KIAA1328: variants seen among roughly 807,000 people sequenced by gnomAD.
KIAA1328 encodes KIAA1328, also known as protein hinderin.
In KIAA1328, 52 loss-of-function variants were observed where a neutral mutation model predicts 68.1. The observed-to-expected ratio is 0.76, with a 90% CI of 0.61 to 0.96. The LOEUF is 0.96. Ranked by LOEUF, KIAA1328 falls within the 40% of genes least tolerant of loss-of-function variation. The pLI is 0.00. For synonymous variants in KIAA1328, 232 were observed against 239.4 expected (o/e 0.97, Z 0.28); for missense variants, 641 against 677.6 (o/e 0.95, Z 0.60).
chr18:37,112,457 G>T (rs891614848), intron 7 of KIAA1328, among the ~76,000 whole-genome samples: 1 of 152,130 alleles, frequency 6.6e-6, no homozygotes, highest in Admixed American at 6.5e-5. Context: ...GTGGCTGAGG[G>T]TTCTGACTGT....
rs557793580 is a variant in KIAA1328 at position 37,188,881 on chromosome 18, A to T, written c.1523+15800A>T. On this transcript the variant is annotated intron_variant, in intron 9 of 9. Coordinates refer to ENST00000280020, the MANE Select transcript of KIAA1328 (RefSeq NM_020776.3). Reference sequence around the variant, plus strand: ...TCTTTTGTATCAATGTGAAAATTTTAATTTCACGCCTTGCAGACTTCACAT... The same window carrying T: ...TCTTTTGTATCAATGTGAAAATTTTTATTTCACGCCTTGCAGACTTCACAT... 2.6e-5 allele frequency among the ~76,000 whole-genome samples: 4 copies of T among 152,310 alleles called. No homozygotes were observed. In the South Asian group the frequency reaches 8.3e-4, roughly 32 times the overall value.
At chr18:37,228,819 C>CAGAAAAAAAAA (rs555782218), downstream of KIAA1328, among the ~76,000 whole-genome samples, 20 of 146,608 alleles carry the variant, frequency 1.4e-4, no homozygotes, top group African/African-American at 5.0e-4. Context: ...GATTCCATCT[C>CAGAAAAAAAAA]AGAAAAAAAA....
At chr18:37,020,951 G>T (rs322634) in intron 6 of KIAA1328, among the ~76,000 whole-genome samples, 111,415 of 152,082 alleles carry the variant, frequency 0.73, 43,958 homozygotes, top group South Asian at 0.89. Flanking sequence ...AAAGTATTTT[G>T]AAATAAAAAA....
At chr18:37,096,857 C>G (rs1409077524) in intron 7 of KIAA1328, among the ~76,000 whole-genome samples, 1 of 152,154 alleles carries the variant, frequency 6.6e-6, no homozygotes, top group Admixed American at 6.5e-5. Flanking sequence ...TGTCTTTTGG[C>G]TGCATAAATG....
chr18:37,139,476 A>C (rs553169376), intron 7 of KIAA1328, among the ~76,000 whole-genome samples: 2 of 152,260 alleles, frequency 1.3e-5, no homozygotes, highest in African/African-American at 4.8e-5. Flanking sequence ...AGAAATCATG[A>C]ATTCTTCCTT....
At chr18:37,209,015 G>T (rs182171254) in intron 9 of KIAA1328, among the ~76,000 whole-genome samples, 30 of 152,300 alleles carry the variant, frequency 2.0e-4, no homozygotes, top group Admixed American at 1.5e-3. Context: ...CTCTTTAACA[G>T]GGTATTGGTT....
At chr18:37,212,506 A>C (rs2154220362) in intron 9 of KIAA1328, among the ~76,000 whole-genome samples, 1 of 152,310 alleles carries the variant, frequency 6.6e-6, no homozygotes, top group Admixed American at 6.5e-5. Context: ...AAGTGCAATT[A>C]AAGGTGCTAG....
At chr18:37,080,938 G>T (rs561183790) in intron 7 of KIAA1328, among the ~76,000 whole-genome samples, 2 of 151,728 alleles carry the variant, frequency 1.3e-5, no homozygotes, top group Admixed American at 1.3e-4. Context: ...CCAAATCCAA[G>T]TGAGATGCCC....
At chr18:37,088,596 A>G (rs1397919931) in intron 7 of KIAA1328, among the ~76,000 whole-genome samples, 1 of 151,720 alleles carries the variant, frequency 6.6e-6, no homozygotes, top group African/African-American at 2.4e-5. Context: ...AATACTATTC[A>G]TGTTTATCTG....
intron 7 of KIAA1328, among the ~76,000 whole-genome samples, chr18:37,148,901 TA>T (rs1472230432): frequency 6.6e-6 from 1 of 152,206 alleles, no homozygotes; most frequent in African/African-American, 2.4e-5. Flanking sequence ...GCAAAAATTT[TA>T]CCCCACTATG....
At chr18:36,952,307 C>T (rs936345503) in intron 5 of KIAA1328, among the ~76,000 whole-genome samples, 3 of 152,162 alleles carry the variant, frequency 2.0e-5, no homozygotes, top group Non-Finnish European at 4.4e-5. Context: ...ACTCACCCCA[C>T]CTTTTTAAAA....
chr18:36,988,806 A>T (rs527469263), intron 6 of KIAA1328, among the ~76,000 whole-genome samples: 207 of 480 alleles, frequency 0.43, 2 homozygotes, highest in African/African-American at 0.48. Context: ...CATATAATTT[A>T]TACTGTTTAT....
intron 4 of KIAA1328, among the ~76,000 whole-genome samples, chr18:36,857,693 A>C (rs72885272): frequency 0.14 from 20,746 of 152,174 alleles, 1,764 homozygotes; most frequent in Admixed American, 0.18. Flanking sequence ...TGATTTTGTT[A>C]GTTTTTGCCA....
At chr18:36,854,020 C>G (rs2047303423) in intron 4 of KIAA1328, among the ~76,000 whole-genome samples, 1 of 152,120 alleles carries the variant, frequency 6.6e-6, no homozygotes, top group South Asian at 2.1e-4. Flanking sequence ...AAGTGTTAAT[C>G]CTCAGTATCT....
At chr18:37,084,480 T>C in intron 7 of KIAA1328, 1 of 228,630 alleles carries the variant, frequency 4.4e-6, no homozygotes, top group East Asian at 8.6e-5. Flanking sequence ...TTTTTTGTTT[T>C]TTTTTTTTTT....
chr18:36,925,644 C>T (rs956932583), intron 5 of KIAA1328, among the ~76,000 whole-genome samples: 1 of 151,796 alleles, frequency 6.6e-6, no homozygotes, highest in Non-Finnish European at 1.5e-5. Flanking sequence ...CTCAAGCAAT[C>T]CTCGCACCTC....
chr18:36,998,484 A>G (rs937975444), intron 6 of KIAA1328, among the ~76,000 whole-genome samples: 1 of 152,190 alleles, frequency 6.6e-6, no homozygotes, highest in Non-Finnish European at 1.5e-5. Context: ...GCTTGCTGAT[A>G]ACCACCGATG....
chr18:36,992,974 G>T (rs1349375841), intron 6 of KIAA1328, among the ~76,000 whole-genome samples: 2 of 152,102 alleles, frequency 1.3e-5, no homozygotes, highest in Non-Finnish European at 2.9e-5. Context: ...GGGTGGAGTG[G>T]TGTGCACCTG....
At chr18:37,058,004 G>A (rs1401403657) in intron 6 of KIAA1328, among the ~76,000 whole-genome samples, 1 of 152,182 alleles carries the variant, frequency 6.6e-6, no homozygotes, top group Non-Finnish European at 1.5e-5. Context: ...GGTAAAGAGA[G>A]GCAGATTTAT....
Sources: gnomAD v4.1 joint callset for allele counts (sites outside exome capture counted in the v4.1 genomes callset) on GRCh38, gnomAD v4.1.1 for gene constraint, MANE v1.5 for transcripts, NCBI Gene and HGNC (gene_info 2026-07-23, HGNC 2026-07-21) for gene names.